SKAP1: variants seen among roughly 807,000 people sequenced by gnomAD.
SKAP1 encodes the protein src kinase-associated phosphoprotein 1.
SKAP1 carries 44 observed loss-of-function variants against 58.5 expected under a neutral mutation model. The observed-to-expected ratio is 0.75, with a 90% CI of 0.59 to 0.97. The LOEUF (loss-of-function observed/expected upper bound fraction) is 0.97, where lower values mean the gene tolerates loss of function less well. Ranked by LOEUF, SKAP1 falls within the 50% of genes least tolerant of loss-of-function variation. The pLI, the probability that SKAP1 is intolerant of heterozygous loss-of-function variation, is 0.00. For synonymous variants in SKAP1, 127 were observed against 149.7 expected, an observed-to-expected ratio of 0.85 and a Z score of 1.11; for missense variants, 390 against 435.2, an observed-to-expected ratio of 0.90 and a Z score of 0.92.
intron 4 of SKAP1, among the ~76,000 whole-genome samples, chr17:48,340,274 AG>A (rs1165830109): frequency 6.6e-6 from 1 of 152,218 alleles, no homozygotes; most frequent in Non-Finnish European, 1.5e-5. Context: ...TTCTAGGAAT[AG>A]GATTTCAGTT....
At chr17:48,292,356 CA>C (rs774248459) in intron 4 of SKAP1, among the ~76,000 whole-genome samples, 1 of 151,780 alleles carries the variant, frequency 6.6e-6, no homozygotes, top group Non-Finnish European at 1.5e-5. Context: ...ACCAAAAAAA[CA>C]AAAACACATC....
chr17:48,191,608 G>A (rs578208521), intron 4 of SKAP1, among the ~76,000 whole-genome samples: 6 of 152,176 alleles, frequency 3.9e-5, no homozygotes, highest in African/African-American at 7.2e-5. Flanking sequence ...TAACATCTAC[G>A]ACAATTTAAA....
intron 4 of SKAP1, among the ~76,000 whole-genome samples, chr17:48,211,563 C>A (rs530265009): frequency 3.4e-4 from 52 of 152,262 alleles, no homozygotes; most frequent in African/African-American, 1.3e-3. Context: ...TGGCTTCTTC[C>A]TCAATTTCTG....
At chr17:48,204,987 T>TTCTTTCTTTCTTTCTTTCTTTC (rs1567819793) in intron 4 of SKAP1, among the ~76,000 whole-genome samples, 2 of 52,852 alleles carry the variant, frequency 3.8e-5, no homozygotes, top group Non-Finnish European at 7.3e-5. Flanking sequence ...CTTTCTTTCT[T>TTCTTTCTTTCTTTCTTTCTTTC]TCTTTCTTTC....
At chr17:48,293,622 C>A (rs2065926059) in intron 4 of SKAP1, among the ~76,000 whole-genome samples, 1 of 152,146 alleles carries the variant, frequency 6.6e-6, no homozygotes, top group African/African-American at 2.4e-5. Context: ...AATTGGTGTA[C>A]AAGGCTTACA....
chr17:48,286,868 C>T lies in SKAP1; in HGVS notation c.280+59037G>A, dbSNP rs577151087. Among the ~76,000 whole-genome samples the T allele has an allele frequency of 1.6e-4, 25 of 152,226 alleles. 2 individuals carry two copies. Among genetic ancestry groups the T allele is most frequent in the South Asian group, 1.0e-3 (5 of 4,804 alleles). On this transcript the variant is annotated intron_variant, in intron 4 of 12. Transcript: ENST00000336915. ...AATCCAGCACTTTGAGAGGCCAAGG[C>T]GGGTGGATCACGAGGTCAGGAGGTC...
rs115560231 is a variant in SKAP1 at position 48,319,030 on chromosome 17, T to C, written c.280+26875A>G. On this transcript the variant is annotated intron_variant, in intron 4 of 12. Transcript: ENST00000336915. ...GTACACATAACAGTAAGAATAACTT[T>C]TGAATACATGAGGTTTTGGGCTTTA... Among the ~76,000 whole-genome samples, 1,003 of 152,294 alleles carry C rather than the reference T, an allele frequency of 6.6e-3. 8 individuals are homozygous for C. The highest frequency in any genetic ancestry group is 0.021 in the African/African-American group (890 of 41,562).
chr17:48,430,069 C>A lies in SKAP1; in HGVS notation c.46+6G>T, dbSNP rs765213051. The A allele has an allele frequency of 3.2e-5, 41 of 1,264,546 alleles. No homozygotes were observed. The highest frequency in any genetic ancestry group is 4.1e-5 in the Non-Finnish European group (41 of 996,940). 78.3% of individuals were successfully genotyped at this position (1,264,546 alleles called of 1,614,324 possible). A position where few individuals can be genotyped will look rare whatever the true frequency, so the allele number is the denominator to read the frequency against. ...GCACTGGAGGGGGCCTGCGCCAGGG[C>A]GTTACCTTCCAGGAGCCAACGGATC... On this transcript the variant is annotated splice_donor_region_variant and intron_variant, in intron 1 of 12. Coordinates refer to ENST00000336915, the MANE Select transcript of SKAP1 (RefSeq NM_003726.4).
intron 1 of SKAP1, among the ~76,000 whole-genome samples, chr17:48,424,939 AAAAAAGAAAAAG>A (rs1414459021): frequency 1.1e-4 from 17 of 150,446 alleles, no homozygotes; most frequent in African/African-American, 3.2e-4. Flanking sequence ...TCAAAAAAAA[AAAAAAGAAAAAG>A]AAAAAGAAAA....
intron 2 of SKAP1, among the ~76,000 whole-genome samples, chr17:48,368,911 G>A (rs1205155909): frequency 6.6e-6 from 1 of 152,158 alleles, no homozygotes; most frequent in Non-Finnish European, 1.5e-5. Context: ...GCTTGCGCCT[G>A]TAATCCCAGC....
chr17:48,361,503 C>T (rs556751984), intron 3 of SKAP1, among the ~76,000 whole-genome samples: 56 of 152,268 alleles, frequency 3.7e-4, no homozygotes, highest in African/African-American at 1.3e-3. Flanking sequence ...GCCACCGCAC[C>T]CGGCCAAGGC....
chr17:48,298,147 C>T (rs956587837), intron 4 of SKAP1, among the ~76,000 whole-genome samples: 2 of 152,192 alleles, frequency 1.3e-5, no homozygotes, highest in African/African-American at 4.8e-5. Context: ...CACCATCTTC[C>T]CCACCTTAAA....
At chr17:48,419,470 A>G (rs1282747675) in intron 1 of SKAP1, among the ~76,000 whole-genome samples, 1 of 152,082 alleles carries the variant, frequency 6.6e-6, no homozygotes, top group Non-Finnish European at 1.5e-5. Context: ...TTTACTAGAG[A>G]CGAGGTTTCA....
chr17:48,252,540 A>G (rs1268106224), intron 4 of SKAP1, among the ~76,000 whole-genome samples: 7 of 152,144 alleles, frequency 4.6e-5, no homozygotes, highest in Admixed American at 4.6e-4. Flanking sequence ...CTTAAAATGA[A>G]CTCTAGAGAA....
the SKAP1 span, among the ~76,000 whole-genome samples, chr17:48,436,137 T>A: frequency 6.6e-6 from 1 of 152,060 alleles, no homozygotes; most frequent in African/African-American, 2.4e-5. Context: ...AACGGTGGGA[T>A]CTTGGCTCAC....
At chr17:48,339,954 G>A (rs1051358128) in intron 4 of SKAP1, among the ~76,000 whole-genome samples, 18 of 152,072 alleles carry the variant, frequency 1.2e-4, no homozygotes, top group Non-Finnish European at 2.6e-4. Context: ...AGGCTGAGGC[G>A]GGTGGATCAC....
intron 4 of SKAP1, among the ~76,000 whole-genome samples, chr17:48,325,118 G>C (rs539086337): frequency 4.6e-4 from 70 of 151,990 alleles, no homozygotes; most frequent in African/African-American, 1.6e-3. Context: ...GCAAGGTGGC[G>C]GGCGCCTGTA....
At chr17:48,430,710 T>A (rs566655843), upstream of SKAP1, among the ~76,000 whole-genome samples, 15 of 152,254 alleles carry the variant, frequency 9.9e-5, no homozygotes, top group Admixed American at 3.9e-4. Flanking sequence ...ATAAGCAATA[T>A]AAGGACACCA....
chr17:48,199,956 G>A (rs537914795), intron 4 of SKAP1, among the ~76,000 whole-genome samples: 1 of 152,136 alleles, frequency 6.6e-6, no homozygotes, highest in Non-Finnish European at 1.5e-5. Context: ...ATGGGCCAGG[G>A]TTTTCATGGC....
Sources: gnomAD v4.1 joint callset for allele counts (sites outside exome capture counted in the v4.1 genomes callset) on GRCh38, gnomAD v4.1.1 for gene constraint, MANE v1.5 for transcripts, NCBI Gene and HGNC (gene_info 2026-07-23, HGNC 2026-07-21) for gene names.